The following SH3BP1 variants were observed in gnomAD, a reference collection of about 807,000 sequenced individuals.
SH3BP1 encodes the protein SH3 domain binding protein 1.
SH3BP1 carries 46 observed loss-of-function variants against 69.8 expected under a neutral mutation model. The ratio of observed to expected loss-of-function variants is 0.66; its 90% CI spans 0.52 to 0.84. The LOEUF is 0.84. Among genes scored for constraint, SH3BP1 ranks in the 40% least tolerant of loss-of-function variants. The pLI is 0.00. For synonymous variants in SH3BP1, 403 were observed against 378.0 expected, an observed-to-expected ratio of 1.07 and a Z score of -0.77; for missense variants, 868 against 930.9, an observed-to-expected ratio of 0.93 and a Z score of 0.88.
intron 10 of SH3BP1, 63 bp downstream of exon 10, chr22:37,645,573 C>CA: frequency 2.6e-6 from 4 of 1,537,190 alleles, no homozygotes; most frequent in Non-Finnish European, 3.5e-6. Flanking sequence ...CCAAACCGCC[C>CA]ACTTGCTGCC....
chr22:37,640,078 T>G (rs941616784), intron 1 of SH3BP1, among the ~76,000 whole-genome samples: 2 of 152,080 alleles, frequency 1.3e-5, no homozygotes, highest in African/African-American at 4.8e-5. Context: ...CTTACCGGAT[T>G]GGAGGGGGCT....
chr22:37,639,968 C>G, intron 1 of SH3BP1, 122 bp downstream of exon 1: 1 of 683,516 alleles, frequency 1.5e-6, no homozygotes, highest in South Asian at 2.1e-5. Context: ...CTCTGAGCGG[C>G]CAGACTCCTG....
At chr22:37,641,601 C>T in intron 3 of SH3BP1, 123 bp downstream of exon 3, 1 of 800,062 alleles carries the variant, frequency 1.2e-6, no homozygotes, top group Non-Finnish European at 2.0e-6. Flanking sequence ...ATGGAGACTG[C>T]TCTGTTCCAA....
In SH3BP1 at chr22:37,646,845, T is replaced by C; in HGVS notation, c.952T>C (p.Ser318Pro). The change falls in exon 11 of 18, where the codon TCG (serine) becomes CCG (proline). Residue 318 changes from serine (S) to proline (P), a missense_variant. Ser to Pro is a moderately conservative substitution (Grantham distance 74). Coordinates refer to ENST00000649765, the MANE Select transcript of SH3BP1 (RefSeq NM_018957.6). ...TCTCTTCCGTCTGGCTGCTGGGGCCTCGGTGCTGAAGCGTCTCAAGCAGAC... is the reference window on the plus strand; with the variant it reads ...TCTCTTCCGTCTGGCTGCTGGGGCCCCGGTGCTGAAGCGTCTCAAGCAGAC... ...EGLFRLAAGA[S>P]VLKRLKQTMA... is the part of the protein sequence containing the mutation. The C allele has an allele frequency of 6.4e-7, 1 of 1,551,746 alleles. No homozygotes were observed. Among genetic ancestry groups the C allele is most frequent in the East Asian group, 2.3e-5 (1 of 42,596 alleles).
At chr22:37,648,490 C>T (rs62235997) in intron 14 of SH3BP1, 55 bp downstream of exon 14, 343,911 of 1,200,626 alleles carry the variant, frequency 0.29, 52,684 homozygotes, top group Middle Eastern at 0.35. Context: ...CCCATCCCAA[C>T]TATCTGTTGT....
chr22:37,643,999 T>G (rs1932715497), intron 7 of SH3BP1, among the ~76,000 whole-genome samples: 1 of 152,244 alleles, frequency 6.6e-6, no homozygotes, highest in Non-Finnish European at 1.5e-5. Flanking sequence ...GTCTGTTCCC[T>G]GAGTCTCCAT....
In SH3BP1 at chr22:37,650,678, A is replaced by C. The variant is rs777076912; in HGVS notation, c.1551A>C (p.Pro517=). The part of the protein sequence containing the change: ...PATTPAPAPA[P]APAPAPALAS... Reference sequence around the variant, plus strand: ...CCACCCCGGCTCCGGCTCCGGCTCCAGCTCCAGCTCCGGCCCCAGCCTTGG... The same window carrying C: ...CCACCCCGGCTCCGGCTCCGGCTCCCGCTCCAGCTCCGGCCCCAGCCTTGG... Residue 517 remains proline, a synonymous_variant, in exon 16 of 18, where the codon CCA becomes CCC. Transcript: ENST00000649765. 4 of 1,613,316 alleles carry C rather than the reference A, an allele frequency of 2.5e-6. No homozygotes were observed. Among genetic ancestry groups the C allele is most frequent in the African/African-American group, 1.3e-5 (1 of 74,986 alleles).
chr22:37,639,721 C>T lies in SH3BP1; in HGVS notation c.-67C>T. ...AGAGCCGCGCCGCAGGAGAGGCAGG[C>T]TGGACCGGGGGCTCCCCGGGCCCGC... On this transcript the variant is annotated 5_prime_UTR_variant, in exon 1 of 18. Coordinates refer to ENST00000649765, the MANE Select transcript of SH3BP1 (RefSeq NM_018957.6). 9.5e-7 allele frequency: 1 copy of T among 1,050,004 alleles called. No individual in the cohort carries two copies. The highest frequency in any genetic ancestry group is 3.0e-5 in the Admixed American group (1 of 33,608). The allele number at this position is 1,050,004 out of a possible 1,614,324, so 65.0% of individuals were successfully genotyped here. A position where few individuals can be genotyped will look rare whatever the true frequency, so the allele number is the denominator to read the frequency against.
Position 37,655,639 on chromosome 22 carries a change from C to A in SH3BP1, c.2061C>A (p.Ile687=), listed in dbSNP as rs757145497. 1.5e-6 allele frequency: 2 copies of A among 1,328,416 alleles called. No individual in the cohort carries two copies. The highest frequency in any genetic ancestry group is 2.7e-5 in the South Asian group (2 of 73,150). 82.3% of individuals were successfully genotyped at this position (1,328,416 alleles called of 1,614,324 possible). A position where few individuals can be genotyped will look rare whatever the true frequency, so the allele number is the denominator to read the frequency against. ...AISGVPTPPA[I]PPQPRPRSLA... ...GTGGGGTCCCCACTCCCCCAGCTAT[C>A]CCCCCTCAGCCCCGCCCCAGGAGCC... Residue 687 remains isoleucine, a synonymous_variant, in exon 18 of 18, where the codon ATC becomes ATA. Coordinates refer to ENST00000649765, the MANE Select transcript of SH3BP1 (RefSeq NM_018957.6).
chr22:37,653,975 A>C, intron 17 of SH3BP1, 102 bp downstream of exon 17: 1 of 839,274 alleles, frequency 1.2e-6, no homozygotes, highest in South Asian at 1.7e-5. Flanking sequence ...AGGGGAGGCC[A>C]GGAGTCAAGG....
chr22:37,654,552 C>T lies in SH3BP1; in HGVS notation c.1693+679C>T, dbSNP rs192995618. Reference sequence around the variant, plus strand: ...CGCCACTGCACTCCAGCCTGGGTGACAAGAATGAGACTCTGTCTCAAAAAA... The same window carrying T: ...CGCCACTGCACTCCAGCCTGGGTGATAAGAATGAGACTCTGTCTCAAAAAA... On this transcript the variant is annotated intron_variant, in intron 17 of 17. Coordinates refer to ENST00000649765, the MANE Select transcript of SH3BP1 (RefSeq NM_018957.6). Among the ~76,000 whole-genome samples the T allele has an allele frequency of 6.0e-5, 9 of 149,446 alleles. No individual in the cohort carries two copies. The East Asian group carries it at 1.8e-3, about 30-fold the overall frequency.
rs572672019 is a variant in SH3BP1, at chr22:37,653,062, A to G, written c.1599-717A>G. Among the ~76,000 whole-genome samples the G allele has an allele frequency of 2.0e-5, 3 of 150,574 alleles. No homozygotes were observed. The East Asian group carries it at 6.0e-4, about 30-fold the overall frequency. On this transcript the variant is annotated intron_variant, in intron 16 of 17. Coordinates refer to ENST00000649765, the MANE Select transcript of SH3BP1 (RefSeq NM_018957.6). ...CAAGACAGGAGAATCCCATGAACCC[A>G]GGAGGCGGAGGTCACAGTGAGCCAA... is the stretch of plus-strand genomic sequence containing the variant.
In SH3BP1 at chr22:37,655,974, G is replaced by A; in HGVS notation, c.*290G>A. The A allele has an allele frequency of 4.6e-6, 7 of 1,534,864 alleles. No individual in the cohort carries two copies. Among genetic ancestry groups the A allele is most frequent in the Non-Finnish European group, 5.3e-6 (6 of 1,139,800 alleles). On this transcript the variant is annotated 3_prime_UTR_variant, in exon 18 of 18. Coordinates refer to ENST00000649765, the MANE Select transcript of SH3BP1 (RefSeq NM_018957.6). ...AAGGAGAGGTTTGCCTGCTCCTACGGGACTGATTCTTCTCTTGCCGACATG... is the reference window on the plus strand; with the variant it reads ...AAGGAGAGGTTTGCCTGCTCCTACGAGACTGATTCTTCTCTTGCCGACATG...
At chr22:37,644,603 A>C in intron 7 of SH3BP1, 34 bp from the exon 8 acceptor site, 2,342 of 1,603,832 alleles carry the variant, frequency 1.5e-3, no homozygotes, top group Non-Finnish European at 1.8e-3. Context: ...CCACAGCCTC[A>C]CCCAACGTAA....
chr22:37,643,060 C>T, intron 5 of SH3BP1, 38 bp from the exon 6 acceptor site: 1 of 1,608,598 alleles, frequency 6.2e-7, no homozygotes, highest in Admixed American at 1.7e-5. Context: ...TGGCTCCCTC[C>T]TCCCCCAGCA....
chr22:37,640,828 C>A, intron 1 of SH3BP1: 1 of 470,118 alleles, frequency 2.1e-6, no homozygotes, highest in Non-Finnish European at 3.8e-6. Context: ...CTTCTGTGTC[C>A]CAAAGCTGGG....
rs1932509162 is a variant in SH3BP1 at position 37,639,712 on chromosome 22, A to G, written c.-76A>G. On this transcript the variant is annotated 5_prime_UTR_variant, in exon 1 of 18. Coordinates refer to ENST00000649765, the MANE Select transcript of SH3BP1 (RefSeq NM_018957.6). ...TCCGGGGCAAGAGCCGCGCCGCAGGAGAGGCAGGCTGGACCGGGGGCTCCC... is the reference window on the plus strand; with the variant it reads ...TCCGGGGCAAGAGCCGCGCCGCAGGGGAGGCAGGCTGGACCGGGGGCTCCC... 1 of 916,122 alleles carries G rather than the reference A, an allele frequency of 1.1e-6. No individual in the cohort carries two copies. The highest frequency in any genetic ancestry group is 1.6e-6 in the Non-Finnish European group (1 of 638,678). The allele number at this position is 916,122 out of a possible 1,614,324, so 56.7% of individuals were successfully genotyped here.
intron 7 of SH3BP1, 44 bp downstream of exon 7, chr22:37,643,832 G>T: frequency 6.2e-7 from 1 of 1,605,750 alleles, no homozygotes. Flanking sequence ...GGTGGCAGGG[G>T]TGGGTCCTGG....
intron 14 of SH3BP1, chr22:37,649,948 T>G: frequency 1.5e-6 from 1 of 683,836 alleles, no homozygotes; most frequent in Non-Finnish European, 2.7e-6. Context: ...GGGTCCTTGA[T>G]TAATTAGTGA....
Sources: gnomAD v4.1 joint callset for allele counts (sites outside exome capture counted in the v4.1 genomes callset) on GRCh38, gnomAD v4.1.1 for gene constraint, MANE v1.5 for transcripts, NCBI Gene and HGNC (gene_info 2026-07-23, HGNC 2026-07-21) for gene names.